The following LHFPL6 variants were observed in gnomAD, a reference collection of about 807,000 sequenced individuals.
LHFPL6 encodes LHFPL tetraspan subfamily member 6.
LHFPL6 carries 9 observed loss-of-function variants against 20.6 expected under a neutral mutation model. That is an observed-to-expected ratio of 0.44 (90% CI 0.26 to 0.76). The LOEUF (loss-of-function observed/expected upper bound fraction) is 0.76. LHFPL6 is among the 30% of genes least tolerant of loss of function. The probability of loss-of-function intolerance (pLI) is 0.20; values close to 1 mark genes in which losing one functional copy is unlikely to be tolerated. For missense variants in LHFPL6, 218 were observed against 253.5 expected (o/e 0.86, Z 0.95); for synonymous variants, 105 against 98.7 (o/e 1.06, Z -0.38).
intron 2 of LHFPL6, among the ~76,000 whole-genome samples, chr13:39,485,812 T>C (rs900679379): frequency 1.3e-5 from 2 of 152,200 alleles, no homozygotes; most frequent in African/African-American, 4.8e-5. Flanking sequence ...ACATTTATAC[T>C]TGTACCAACG....
At chr13:39,480,939 T>A (rs1868488905) in intron 2 of LHFPL6, among the ~76,000 whole-genome samples, 1 of 152,220 alleles carries the variant, frequency 6.6e-6, no homozygotes. Flanking sequence ...GACATATTCA[T>A]AAGAACAAAA....
intron 3 of LHFPL6, among the ~76,000 whole-genome samples, chr13:39,344,620 C>T (rs1462250970): frequency 6.6e-6 from 1 of 152,168 alleles, no homozygotes; most frequent in Non-Finnish European, 1.5e-5. Context: ...GATAAAGTGT[C>T]ATTTAAATGA....
intron 2 of LHFPL6, among the ~76,000 whole-genome samples, chr13:39,511,097 TCCTGA>T (rs1258886315): frequency 2.0e-5 from 3 of 152,138 alleles, no homozygotes; most frequent in Admixed American, 6.5e-5. Context: ...GTTCTCAAAC[TCCTGA>T]CCTCAGGTGA....
chr13:39,545,245 CAAAA>C (rs35606384), intron 2 of LHFPL6, among the ~76,000 whole-genome samples: 3 of 67,948 alleles, frequency 4.4e-5, no homozygotes, highest in Non-Finnish European at 7.6e-5. Flanking sequence ...GACTCCGTCT[CAAAA>C]AAAAAAAAAA....
chr13:39,596,031 TATTAAGGTCTTATTTTGA>T (rs1872761375), intron 2 of LHFPL6, among the ~76,000 whole-genome samples: 1 of 152,190 alleles, frequency 6.6e-6, no homozygotes, highest in Admixed American at 6.5e-5. Flanking sequence ...TCAGAAGTTG[TATTAAGGTCTTATTTTGA>T]ATACTTCATA....
chr13:39,388,194 G>A (rs948217764), intron 2 of LHFPL6, among the ~76,000 whole-genome samples: 2 of 152,160 alleles, frequency 1.3e-5, no homozygotes, highest in Non-Finnish European at 2.9e-5. Context: ...TCCTGCAGAA[G>A]AGAGTATACT....
chr13:39,543,592 G>C (rs554354832), intron 2 of LHFPL6, among the ~76,000 whole-genome samples: 32 of 151,938 alleles, frequency 2.1e-4, no homozygotes, highest in Non-Finnish European at 4.0e-4. Flanking sequence ...CCCTGCATAA[G>C]ACTAATGGAT....
intron 2 of LHFPL6, among the ~76,000 whole-genome samples, chr13:39,543,040 G>A (rs566646249): frequency 6.6e-6 from 1 of 152,200 alleles, no homozygotes; most frequent in African/African-American, 2.4e-5. Context: ...CCAGCCCCTG[G>A]TAAGCACCAT....
chr13:39,358,325 G>C (rs934063302), intron 3 of LHFPL6, among the ~76,000 whole-genome samples: 1 of 152,140 alleles, frequency 6.6e-6, no homozygotes, highest in Non-Finnish European at 1.5e-5. Context: ...AATGGTGCTC[G>C]TATAACTGGC....
chr13:39,493,009 C>A (rs556473616), intron 2 of LHFPL6, among the ~76,000 whole-genome samples: 9 of 151,972 alleles, frequency 5.9e-5, no homozygotes, highest in African/African-American at 2.2e-4. Flanking sequence ...ATTTTAATAG[C>A]TGTATAATGT....
At chr13:39,402,020 A>G (rs1425812149) in intron 2 of LHFPL6, among the ~76,000 whole-genome samples, 1 of 152,214 alleles carries the variant, frequency 6.6e-6, no homozygotes, top group East Asian at 1.9e-4. Flanking sequence ...AGCAACAGAA[A>G]TGTGGCTAGT....
At chr13:39,540,370 T>G (rs1216492313) in intron 2 of LHFPL6, among the ~76,000 whole-genome samples, 1 of 152,144 alleles carries the variant, frequency 6.6e-6, no homozygotes, top group African/African-American at 2.4e-5. Context: ...TTTTAAGTCT[T>G]GTTAGAAAGT....
At chr13:39,395,837 G>C (rs1870827654) in intron 2 of LHFPL6, among the ~76,000 whole-genome samples, 1 of 152,204 alleles carries the variant, frequency 6.6e-6, no homozygotes, top group African/African-American at 2.4e-5. Context: ...GTCTGTGGTA[G>C]GCTTTTCACC....
intron 2 of LHFPL6, among the ~76,000 whole-genome samples, chr13:39,394,636 T>G (rs1028467582): frequency 6.6e-6 from 1 of 152,216 alleles, no homozygotes; most frequent in African/African-American, 2.4e-5. Flanking sequence ...TAGCCTTGTT[T>G]CTCATATAAA....
At chr13:39,433,613 T>A (rs1232697703) in intron 2 of LHFPL6, among the ~76,000 whole-genome samples, 3 of 152,160 alleles carry the variant, frequency 2.0e-5, no homozygotes, top group South Asian at 2.1e-4. Context: ...AGTGTCAATC[T>A]GATATTCAGT....
chr13:39,549,547 C>G (rs9548814), intron 2 of LHFPL6, among the ~76,000 whole-genome samples: 75,750 of 151,840 alleles, frequency 0.5, 19,522 homozygotes, highest in East Asian at 0.7. Flanking sequence ...CAAGCAACTA[C>G]AATTGTCATA....
At chr13:39,484,220 C>T (rs1462867434) in intron 2 of LHFPL6, among the ~76,000 whole-genome samples, 1 of 152,104 alleles carries the variant, frequency 6.6e-6, no homozygotes, top group Admixed American at 6.5e-5. Context: ...AAAGTGTGGC[C>T]GGAATGAACT....
intron 2 of LHFPL6, among the ~76,000 whole-genome samples, chr13:39,517,389 T>C (rs1375505267): frequency 7.0e-6 from 1 of 141,888 alleles, no homozygotes; most frequent in African/African-American, 2.7e-5. Context: ...AGATGAACAA[T>C]ACTTTTTTGC....
At chr13:39,436,292 T>A (rs1310701270) in intron 2 of LHFPL6, among the ~76,000 whole-genome samples, 1 of 152,206 alleles carries the variant, frequency 6.6e-6, no homozygotes, top group Non-Finnish European at 1.5e-5. Context: ...TACTTCAATG[T>A]CAACTATATC....
Sources: allele counts gnomAD v4.1 joint callset (sites outside exome capture counted in the v4.1 genomes callset), GRCh38; gene constraint gnomAD v4.1.1; transcripts MANE v1.5; gene names NCBI Gene and HGNC (gene_info 2026-07-23, HGNC 2026-07-21).